The following RORA variants were observed in gnomAD, a reference collection of about 807,000 sequenced individuals.
RORA encodes nuclear receptor ROR-alpha.
Under a neutral mutation model 69.5 loss-of-function variants are expected in RORA, and 7 were observed. The ratio of observed to expected loss-of-function variants is 0.10; its 90% confidence interval spans 0.06 to 0.19. RORA has a LOEUF of 0.19. Among genes scored for constraint, RORA ranks in the 10% least tolerant of loss-of-function variants. The probability of loss-of-function intolerance (pLI) is 1.00; values close to 1 mark genes in which losing one functional copy is unlikely to be tolerated. For missense variants in RORA, 457 were observed against 663.0 expected (o/e 0.69, Z 3.41); for synonymous variants, 261 against 240.8 (o/e 1.08, Z -0.78).
chr15:60,507,743 C>T (rs1013890992), intron 5 of RORA, among the ~76,000 whole-genome samples: 2 of 151,842 alleles, frequency 1.3e-5, no homozygotes, highest in African/African-American at 2.4e-5. Context: ...CAATTTTTGC[C>T]GATAAAAAAA....
At chr15:60,928,742 C>T (rs1324574352) in intron 1 of RORA, among the ~76,000 whole-genome samples, 1 of 152,128 alleles carries the variant, frequency 6.6e-6, no homozygotes, top group Non-Finnish European at 1.5e-5. Context: ...TAGGACTGTG[C>T]TGGGAGCTTC....
chr15:61,067,779 C>T (rs1302319384), intron 1 of RORA, among the ~76,000 whole-genome samples: 1 of 152,174 alleles, frequency 6.6e-6, no homozygotes, highest in Admixed American at 6.5e-5. Flanking sequence ...TTATGCAGTC[C>T]TGCTCTATAA....
At chr15:60,988,925 C>T (rs750299692) in intron 1 of RORA, among the ~76,000 whole-genome samples, 15 of 152,192 alleles carry the variant, frequency 9.9e-5, no homozygotes, top group African/African-American at 1.4e-4. Context: ...AGAAAGGGTG[C>T]GGGTTGTGGG....
intron 1 of RORA, among the ~76,000 whole-genome samples, chr15:61,070,867 T>A (rs1315938146): frequency 6.6e-6 from 1 of 152,100 alleles, no homozygotes; most frequent in Admixed American, 6.5e-5. Flanking sequence ...CCCAAAAGCA[T>A]GCAAAATATA....
At chr15:60,592,369 C>A in intron 2 of RORA, 1 of 1,411,526 alleles carries the variant, frequency 7.1e-7, no homozygotes, top group Non-Finnish European at 9.3e-7. Context: ...CCGGCCCCGG[C>A]GGGGCGCCCG....
intron 2 of RORA, among the ~76,000 whole-genome samples, chr15:60,645,659 C>G (rs1182751624): frequency 6.6e-6 from 1 of 152,128 alleles, no homozygotes. Flanking sequence ...TCCCAAAGTG[C>G]TGGGATTATA....
chr15:60,729,834 G>C (rs1406348131), intron 1 of RORA, among the ~76,000 whole-genome samples: 1 of 152,200 alleles, frequency 6.6e-6, no homozygotes, highest in Middle Eastern at 3.2e-3. Context: ...GTCAGGGTTA[G>C]GGATGGTATT....
At chr15:61,159,679 T>G (rs572778705) in intron 1 of RORA, among the ~76,000 whole-genome samples, 69 of 152,336 alleles carry the variant, frequency 4.5e-4, no homozygotes, top group Non-Finnish European at 9.0e-4. Flanking sequence ...TGACTGTGGA[T>G]AATAATGTAC....
intron 1 of RORA, among the ~76,000 whole-genome samples, chr15:61,187,720 C>T (rs2079758084): frequency 6.6e-6 from 1 of 152,106 alleles, no homozygotes; most frequent in Non-Finnish European, 1.5e-5. Context: ...ATGTTTATCA[C>T]CACAGGCATA....
rs1003243585 is a variant in RORA, at chr15:60,941,718, C to A, written c.167-263032G>T. On this transcript the variant is annotated intron_variant, in intron 1 of 10. Transcript: ENST00000335670. ...AGGAATTTTTGATCTCACTTTTTTA[C>A]GCAATTATGAGTCATTCCACATGTT... Among the ~76,000 whole-genome samples, 3 of 152,196 alleles carry A rather than the reference C, an allele frequency of 2.0e-5. 1 individual carries two copies. Among genetic ancestry groups the A allele is most frequent in the South Asian group, 4.1e-4 (2 of 4,832 alleles).
intron 1 of RORA, among the ~76,000 whole-genome samples, chr15:60,811,969 T>C (rs2072750762): frequency 1.3e-5 from 2 of 152,206 alleles, no homozygotes; most frequent in South Asian, 4.1e-4. Context: ...CAAAGTTTTC[T>C]AATTATTAAA....
chr15:61,070,509 T>C lies in RORA; in HGVS notation c.166+158544A>G, dbSNP rs149456854. On this transcript the variant is annotated intron_variant, in intron 1 of 10. Transcript: ENST00000335670. ...ACTCACCACTGTGAGGATGCAGAAG[T>C]TGTAGGCATCTGATCCTTTGGACAG... is the stretch of plus-strand genomic sequence containing the variant. Among the ~76,000 whole-genome samples the C allele has an allele frequency of 9.8e-5, 15 of 152,354 alleles. No homozygotes were observed. In the East Asian group the frequency reaches 2.7e-3, roughly 27 times the overall value.
intron 1 of RORA, among the ~76,000 whole-genome samples, chr15:60,959,231 A>G (rs2140341239): frequency 6.6e-6 from 1 of 152,340 alleles, no homozygotes; most frequent in Admixed American, 6.5e-5. Context: ...TGCTTGACTC[A>G]GTGTAACAGA....
rs1201078655 is a variant in RORA, at chr15:60,488,327, A to G, written c.*9128T>C. Reference sequence around the variant, plus strand: ...TTTTATTATAGGATAACAGTACATAAAGCACATCTAAAATTGATGTGTTCA... The same window carrying G: ...TTTTATTATAGGATAACAGTACATAGAGCACATCTAAAATTGATGTGTTCA... On this transcript the variant is annotated 3_prime_UTR_variant, in exon 11 of 11. Transcript: ENST00000335670. 1 of 152,250 alleles carries G rather than the reference A, an allele frequency of 6.6e-6. No individual in the cohort carries two copies. Among genetic ancestry groups the G allele is most frequent in the Non-Finnish European group, 1.5e-5 (1 of 68,040 alleles). 9.4% of individuals were successfully genotyped at this position (152,250 alleles called of 1,614,324 possible). A position where few individuals can be genotyped will look rare whatever the true frequency, so the allele number is the denominator to read the frequency against.
At chr15:60,989,577 T>G (rs914015890) in intron 1 of RORA, among the ~76,000 whole-genome samples, 1 of 152,150 alleles carries the variant, frequency 6.6e-6, no homozygotes, top group Non-Finnish European at 1.5e-5. Context: ...TACTCAAGAG[T>G]GGAATTGCTG....
intron 1 of RORA, among the ~76,000 whole-genome samples, chr15:61,000,103 T>A (rs1894700688): frequency 6.6e-6 from 1 of 152,210 alleles, no homozygotes; most frequent in African/African-American, 2.4e-5. Flanking sequence ...TACAATCGTT[T>A]AACAGATGTA....
chr15:61,085,503 C>T (rs906294922), intron 1 of RORA, among the ~76,000 whole-genome samples: 3 of 152,216 alleles, frequency 2.0e-5, no homozygotes, highest in African/African-American at 7.2e-5. Flanking sequence ...CTCGTGGGCC[C>T]GCCTGAAAAG....
At chr15:60,932,696 A>G (rs1162900488) in intron 1 of RORA, among the ~76,000 whole-genome samples, 1 of 152,180 alleles carries the variant, frequency 6.6e-6, no homozygotes, top group Non-Finnish European at 1.5e-5. Flanking sequence ...CAAATGACTC[A>G]GTAGGTGGTT....
chr15:60,934,605 G>T (rs1446032908), intron 1 of RORA, among the ~76,000 whole-genome samples: 2 of 152,166 alleles, frequency 1.3e-5, no homozygotes, highest in African/African-American at 4.8e-5. Flanking sequence ...CTCCTGAGTT[G>T]CTGGGATTAC....
Sources: gnomAD v4.1 joint callset for allele counts (sites outside exome capture counted in the v4.1 genomes callset) on GRCh38, gnomAD v4.1.1 for gene constraint, MANE v1.5 for transcripts, NCBI Gene and HGNC (gene_info 2026-07-23, HGNC 2026-07-21) for gene names.